The following PPP6C variants were observed in gnomAD, a reference collection of about 807,000 sequenced individuals.
PPP6C encodes serine/threonine-protein phosphatase 6 catalytic subunit.
Under a neutral mutation model 39.8 loss-of-function variants are expected in PPP6C, and 11 were observed. That is an observed-to-expected ratio of 0.28 (90% CI 0.17 to 0.46). PPP6C has a LOEUF of 0.46. PPP6C is among the 20% of genes least tolerant of loss of function. PPP6C has a pLI of 1.00. For missense variants in PPP6C, 211 were observed against 373.9 expected (o/e 0.56, Z 3.59); for synonymous variants, 129 against 130.3 (o/e 0.99, Z 0.07).
intron 1 of PPP6C, among the ~76,000 whole-genome samples, chr9:125,179,013 G>A (rs966567293): frequency 6.6e-6 from 1 of 152,094 alleles, no homozygotes; most frequent in African/African-American, 2.4e-5. Flanking sequence ...TCAGGAGTTC[G>A]AGACCAGCAT....
chr9:125,170,606 A>G (rs1442906511), intron 2 of PPP6C, among the ~76,000 whole-genome samples: 1 of 152,208 alleles, frequency 6.6e-6, no homozygotes, highest in Non-Finnish European at 1.5e-5. Context: ...CTCATTCATC[A>G]GTGATTTGCT....
chr9:125,172,641 G>A (rs1039342504), intron 1 of PPP6C, among the ~76,000 whole-genome samples: 1 of 151,928 alleles, frequency 6.6e-6, no homozygotes, highest in Non-Finnish European at 1.5e-5. Context: ...TGTGATGATG[G>A]ACCTGTTCTG....
At chr9:125,150,948 G>A in intron 6 of PPP6C, 1 of 1,178,140 alleles carries the variant, frequency 8.5e-7, no homozygotes, top group Non-Finnish European at 1.3e-6. Context: ...GGATAATAAA[G>A]AGTCAGGTGA....
chr9:125,151,364 GT>G, intron 6 of PPP6C: 1 of 1,187,480 alleles, frequency 8.4e-7, no homozygotes, highest in Non-Finnish European at 1.3e-6. Context: ...AGTCACCAAA[GT>G]TTATGCTATC....
At chr9:125,166,360 A>G (rs1171558357) in intron 2 of PPP6C, among the ~76,000 whole-genome samples, 3 of 152,082 alleles carry the variant, frequency 2.0e-5, no homozygotes, top group South Asian at 2.1e-4. Flanking sequence ...AATACTGTCA[A>G]TTGTTCTCCT....
At chr9:125,174,326 A>C (rs1226386411) in intron 1 of PPP6C, among the ~76,000 whole-genome samples, 1 of 152,146 alleles carries the variant, frequency 6.6e-6, no homozygotes, top group East Asian at 1.9e-4. Context: ...GGAGGGGGGA[A>C]AAAAGGGCTC....
At chr9:125,165,955 C>T (rs1487245575) in intron 2 of PPP6C, among the ~76,000 whole-genome samples, 2 of 151,934 alleles carry the variant, frequency 1.3e-5, no homozygotes, top group African/African-American at 2.4e-5. Flanking sequence ...TACCTCCACA[C>T]CTGGCTAATT....
chr9:125,187,726 G>A (rs1829559325), intron 1 of PPP6C, among the ~76,000 whole-genome samples: 2 of 151,760 alleles, frequency 1.3e-5, no homozygotes, highest in South Asian at 4.2e-4. Flanking sequence ...CTACTAAGAG[G>A]TCTGGTTAGT....
intron 1 of PPP6C, among the ~76,000 whole-genome samples, chr9:125,181,128 A>G (rs533308033): frequency 3.9e-5 from 6 of 152,126 alleles, no homozygotes; most frequent in Non-Finnish European, 7.4e-5. Flanking sequence ...TAAGAAGTCT[A>G]TGCAATCTCA....
At chr9:125,186,947 T>C in intron 1 of PPP6C, among the ~76,000 whole-genome samples, 1 of 137,092 alleles carries the variant, frequency 7.3e-6, no homozygotes. Context: ...TCTTTTTTTT[T>C]TTTTTTTTTT....
rs370189040 is a variant in PPP6C at position 125,149,826 on chromosome 9, T to C, written c.765A>G (p.Val255=). ...KFMFDEKLVT[V]WSAPNYCYRC... Reference sequence around the variant, plus strand: ...GATAGCAGTAATTAGGAGCAGACCATACTGTCACCAGCTTCTCATCAAACA... The same window carrying C: ...GATAGCAGTAATTAGGAGCAGACCACACTGTCACCAGCTTCTCATCAAACA... Residue 255 remains valine (V), a synonymous_variant, in exon 7 of 7, where the codon GTA becomes GTG. Coordinates refer to ENST00000373547, the MANE Select transcript of PPP6C (RefSeq NM_002721.5). 2.5e-6 allele frequency: 4 copies of C among 1,614,110 alleles called. No homozygotes were observed. The South Asian group carries it at 4.4e-5, about 18-fold the overall frequency.
Position 125,189,035 on chromosome 9 carries a change from CAGAAACGGGATTCACCTCTG to C in PPP6C, c.75+589_75+608del, listed in dbSNP as rs770990846. On this transcript the variant is annotated intron_variant, in intron 1 of 6. Coordinates refer to ENST00000373547, the MANE Select transcript of PPP6C (RefSeq NM_002721.5). ...ACTTCAGTAAGCTCAACAACATACT[CAGAAACGGGATTCACCTCTG>C]AATTAGCAAAACCGACGATCCTAAA... is the stretch of plus-strand genomic sequence containing the variant. 811 of 1,010,576 alleles carry C rather than the reference CAGAAACGGGATTCACCTCTG, an allele frequency of 8.0e-4. 5 individuals are homozygous for C. The highest frequency in any genetic ancestry group is 3.2e-3 in the Middle Eastern group (15 of 4,692). 62.6% of individuals were successfully genotyped at this position (1,010,576 alleles called of 1,614,324 possible). A position where few individuals can be genotyped will look rare whatever the true frequency, so the allele number is the denominator to read the frequency against.
intron 2 of PPP6C, among the ~76,000 whole-genome samples, chr9:125,163,337 A>C (rs1290218432): frequency 6.6e-6 from 1 of 152,254 alleles, no homozygotes; most frequent in Non-Finnish European, 1.5e-5. Flanking sequence ...GGAAGTGAAC[A>C]TTAAAAAGTT....
chr9:125,183,693 A>G (rs1196169140), intron 1 of PPP6C, among the ~76,000 whole-genome samples: 3 of 152,156 alleles, frequency 2.0e-5, no homozygotes, highest in African/African-American at 7.2e-5. Flanking sequence ...ACTATTGCAC[A>G]TGGTGTTTAT....
At chr9:125,170,989 G>T in intron 2 of PPP6C, 96 bp downstream of exon 2, 1 of 759,406 alleles carries the variant, frequency 1.3e-6, no homozygotes, top group Non-Finnish European at 2.0e-6. Flanking sequence ...AGTTGTGTTT[G>T]TTGATGTTGT....
chr9:125,170,089 G>A (rs1353388426), intron 2 of PPP6C, among the ~76,000 whole-genome samples: 1 of 152,070 alleles, frequency 6.6e-6, no homozygotes, highest in African/African-American at 2.4e-5. Context: ...AAGTCTTATG[G>A]CCCCAACTAC....
In PPP6C at chr9:125,189,780, G is replaced by A. The variant is rs1025313499; in HGVS notation, c.-62C>T. ...CGGCTGTAGCAGCGGCGGCGGCAGC[G>A]GCGGAGGCCGAAGCCGGAACTTTCC... On this transcript the variant is annotated 5_prime_UTR_variant, in exon 1 of 7. Coordinates refer to ENST00000373547, the MANE Select transcript of PPP6C (RefSeq NM_002721.5). The A allele has an allele frequency of 2.7e-5, 42 of 1,531,034 alleles. No homozygotes were observed. The highest frequency in any genetic ancestry group is 2.1e-4 in the Admixed American group (10 of 47,484). 94.8% of individuals were successfully genotyped at this position (1,531,034 alleles called of 1,614,324 possible). A position where few individuals can be genotyped will look rare whatever the true frequency, so the allele number is the denominator to read the frequency against.
At chr9:125,177,430 C>T (rs1829325824) in intron 1 of PPP6C, among the ~76,000 whole-genome samples, 1 of 152,170 alleles carries the variant, frequency 6.6e-6, no homozygotes, top group African/African-American at 2.4e-5. Context: ...GGCACAGTGG[C>T]TCGCGCCTGT....
intron 6 of PPP6C, chr9:125,151,148 C>A (rs190760368): frequency 7.0e-7 from 1 of 1,421,766 alleles, no homozygotes; most frequent in African/African-American, 1.4e-5. Flanking sequence ...ACTATTGTTT[C>A]ATCTGATGCT....
Sources: gnomAD v4.1 joint callset for allele counts (sites outside exome capture counted in the v4.1 genomes callset) on GRCh38, gnomAD v4.1.1 for gene constraint, MANE v1.5 for transcripts, NCBI Gene and HGNC (gene_info 2026-07-23, HGNC 2026-07-21) for gene names.